The following KDM5B variants were observed in gnomAD, a reference collection of about 807,000 sequenced individuals.
KDM5B encodes the protein lysine demethylase 5B.
A neutral mutation model predicts 193.4 loss-of-function variants in KDM5B; 144 were observed. The ratio of observed to expected loss-of-function variants is 0.74; its 90% CI spans 0.65 to 0.86. The LOEUF (loss-of-function observed/expected upper bound fraction) is 0.86, where lower values mean the gene tolerates loss of function less well. Among genes scored for constraint, KDM5B ranks in the 40% least tolerant of loss-of-function variants. The pLI is 0.00. For synonymous variants in KDM5B, 668 were observed against 682.6 expected (o/e 0.98, Z 0.33); for missense variants, 1,833 against 1,886.9 (o/e 0.97, Z 0.53).
At chr1:202,781,717 T>G (rs1043207761) in intron 1 of KDM5B, among the ~76,000 whole-genome samples, 2 of 152,204 alleles carry the variant, frequency 1.3e-5, no homozygotes, top group African/African-American at 2.4e-5. Flanking sequence ...TAAAAGCTGT[T>G]GGTTTTCAGA....
rs747400995 is a variant in KDM5B, at chr1:202,735,557, A to T, written c.3295T>A (p.Leu1099Met). ...TTTCTCTGCTTCCTTTTCAATCCCA[A>T]AAGGCCAATATCACATCGAGGACAC... ...VLCPRCDIGLLGLKRKQRKLK... is the reference protein window; with the variant it reads ...VLCPRCDIGLMGLKRKQRKLK... Residue 1099 changes from leucine to methionine, a missense_variant, in exon 22 of 27, where the codon TTG becomes ATG. Leu to Met is a conservative substitution (Grantham distance 15). Coordinates refer to ENST00000367265, the MANE Select transcript of KDM5B (RefSeq NM_006618.5). The T allele has an allele frequency of 5.6e-6, 9 of 1,613,950 alleles. No individual in the cohort carries two copies. The highest frequency in any genetic ancestry group is 5.5e-5 in the South Asian group (5 of 91,082).
chr1:202,779,840 T>TAAA (rs1461651907), intron 1 of KDM5B, among the ~76,000 whole-genome samples: 3 of 123,642 alleles, frequency 2.4e-5, no homozygotes, highest in Admixed American at 8.3e-5. Context: ...AATAAATAAA[T>TAAA]AAATAAAAAA....
At chr1:202,752,630 T>C (rs1039516283) in intron 12 of KDM5B, among the ~76,000 whole-genome samples, 1 of 152,218 alleles carries the variant, frequency 6.6e-6, no homozygotes, top group Admixed American at 6.5e-5. Context: ...TTTTCACTTA[T>C]AAATACACTA....
At chr1:202,763,991 AAT>A (rs1195431846) in intron 6 of KDM5B, 56 bp downstream of exon 6, 8 of 951,930 alleles carry the variant, frequency 8.4e-6, no homozygotes, top group Non-Finnish European at 1.1e-5. Context: ...TTTACTTATG[AAT>A]AGTTATTTTT....
chr1:202,729,955 C>T lies in KDM5B; in HGVS notation c.4249G>A (p.Glu1417Lys), dbSNP rs781200551. The T allele has an allele frequency of 3.1e-6, 5 of 1,614,152 alleles. No homozygotes were observed. Among genetic ancestry groups the T allele is most frequent in the Non-Finnish European group, 4.2e-6 (5 of 1,179,998 alleles). ...TCCCACCGCTCACTGGAGAGGCCCT[C>T]TCTTTCCAGGCGTCTCTTCAGTTTT... The part of the protein sequence containing the change: ...ERKLKRRLER[E>K]GLSSERWERV... The change falls in exon 26 of 27, where the codon GAG becomes AAG. Residue 1417 changes from glutamate (E) to lysine (K), a missense_variant. Coordinates refer to ENST00000367265, the MANE Select transcript of KDM5B (RefSeq NM_006618.5).
intron 13 of KDM5B, 27 bp from the exon 14 acceptor site, chr1:202,749,166 A>AG (rs1558490607): frequency 6.3e-7 from 1 of 1,585,050 alleles, no homozygotes; most frequent in Non-Finnish European, 8.6e-7. Flanking sequence ...AAAGAAAAAA[A>AG]TAACATTCAT....
chr1:202,757,086 G>A (rs1300181492), intron 9 of KDM5B, among the ~76,000 whole-genome samples: 1 of 109,552 alleles, frequency 9.1e-6, no homozygotes, highest in Non-Finnish European at 2.2e-5. Flanking sequence ...AGGGCGCAAG[G>A]GCTGGGAGGT....
intron 4 of KDM5B, among the ~76,000 whole-genome samples, chr1:202,769,061 G>C (rs1420992604): frequency 3.8e-5 from 5 of 130,942 alleles, no homozygotes; most frequent in Non-Finnish European, 6.4e-5. Context: ...TTTTGAGACA[G>C]AGTCTCGCTT....
intron 5 of KDM5B, among the ~76,000 whole-genome samples, chr1:202,765,233 A>G (rs1160130784): frequency 1.3e-5 from 1 of 77,230 alleles, no homozygotes; most frequent in Non-Finnish European, 3.8e-5. Context: ...AACTATTATT[A>G]TAAACTACAC....
intron 15 of KDM5B, 29 bp downstream of exon 15, chr1:202,746,113 T>C (rs202189111): frequency 8.6e-5 from 129 of 1,507,604 alleles, no homozygotes; most frequent in Middle Eastern, 5.2e-4. Flanking sequence ...CTGTTTTCCA[T>C]AGGAAAAAAA....
chr1:202,802,464 C>T (rs191728043), intron 1 of KDM5B, among the ~76,000 whole-genome samples: 7 of 152,212 alleles, frequency 4.6e-5, no homozygotes, highest in East Asian at 1.9e-4. Flanking sequence ...GTGATCTCGG[C>T]TCACTGCAAC....
chr1:202,744,203 A>C (rs1007870955), intron 16 of KDM5B, among the ~76,000 whole-genome samples: 2 of 152,234 alleles, frequency 1.3e-5, no homozygotes, highest in African/African-American at 4.8e-5. Context: ...AGACATACGT[A>C]TGGCCAACAA....
chr1:202,802,689 C>T (rs12137885), intron 1 of KDM5B, among the ~76,000 whole-genome samples: 28,099 of 151,938 alleles, frequency 0.18, 2,939 homozygotes, highest in Middle Eastern at 0.28. Context: ...CCACTATGCC[C>T]AGCCCTGTAT....
chr1:202,793,526 T>C (rs142300302), intron 1 of KDM5B, among the ~76,000 whole-genome samples: 162 of 152,288 alleles, frequency 1.1e-3, no homozygotes, highest in Middle Eastern at 0.01. Context: ...ATTTTACAGA[T>C]AGGTTAATAG....
chr1:202,755,416 G>C lies in KDM5B; in HGVS notation c.1393C>G (p.Pro465Ala). The change falls in exon 11 of 27, where the codon CCA becomes GCA. Residue 465 changes from proline (P) to alanine (A), a missense_variant. Physicochemically the swap from Pro to Ala is conservative, Grantham distance 27. Coordinates refer to ENST00000367265, the MANE Select transcript of KDM5B (RefSeq NM_006618.5). ...GCAAGGACAGACTGCTCCATCACTGGCATGTTGTTCAAATTCCAGCCACTA... is the reference window on the plus strand; with the variant it reads ...GCAAGGACAGACTGCTCCATCACTGCCATGTTGTTCAAATTCCAGCCACTA... ...LDSGWNLNNMPVMEQSVLAHI... is the reference protein window; with the variant it reads ...LDSGWNLNNMAVMEQSVLAHI... The C allele has an allele frequency of 6.2e-7, 1 of 1,613,570 alleles. No individual in the cohort carries two copies.
intron 24 of KDM5B, among the ~76,000 whole-genome samples, chr1:202,731,578 G>A (rs528177230): frequency 6.6e-6 from 1 of 152,308 alleles, no homozygotes; most frequent in South Asian, 2.1e-4. Context: ...AAAGCTTGGT[G>A]TTTATCAGCT....
intron 7 of KDM5B, 99 bp from the exon 8 acceptor site, chr1:202,760,672 TC>T: frequency 1.3e-6 from 1 of 772,974 alleles, no homozygotes; most frequent in Non-Finnish European, 2.0e-6. Flanking sequence ...TAATCTAGTC[TC>T]TACATCCTGC....
chr1:202,735,380 A>G, intron 22 of KDM5B, 49 bp downstream of exon 22: 1 of 1,561,348 alleles, frequency 6.4e-7, no homozygotes, highest in Non-Finnish European at 8.7e-7. Context: ...AGGGTTAGAA[A>G]TTATTCTTCC....
At chr1:202,774,029 G>A (rs1474677408) in intron 3 of KDM5B, among the ~76,000 whole-genome samples, 1 of 151,960 alleles carries the variant, frequency 6.6e-6, no homozygotes, top group African/African-American at 2.4e-5. Context: ...GAGCCACCAC[G>A]CCCGGCCATG....
Sources: gnomAD v4.1 joint callset for allele counts (sites outside exome capture counted in the v4.1 genomes callset) on GRCh38, gnomAD v4.1.1 for gene constraint, MANE v1.5 for transcripts, NCBI Gene and HGNC (gene_info 2026-07-23, HGNC 2026-07-21) for gene names.